PIGS: variants seen among roughly 807,000 people sequenced by gnomAD.
The protein encoded by PIGS is phosphatidylinositol glycan anchor biosynthesis class S, also known as GPI-anchor transamidase component PIGS.
PIGS carries 37 observed loss-of-function variants against 58.2 expected under a neutral mutation model. That is an observed-to-expected ratio of 0.64 (90% CI 0.49 to 0.84). The LOEUF (loss-of-function observed/expected upper bound fraction) is 0.84. Ranked by LOEUF, PIGS falls within the 40% of genes least tolerant of loss-of-function variation. The probability of loss-of-function intolerance (pLI) is 0.00; values close to 1 mark genes in which losing one functional copy is unlikely to be tolerated. For missense variants in PIGS, 629 were observed against 710.8 expected (o/e 0.88, Z 1.31); for synonymous variants, 269 against 289.2 (o/e 0.93, Z 0.71).
Position 28,563,885 on chromosome 17 carries a change from A to C in PIGS, c.309T>G (p.Arg103=), listed in dbSNP as rs772010546. Residue 103 remains arginine (R), a synonymous_variant, in exon 4 of 12, where the codon CGT becomes CGG. Coordinates refer to ENST00000308360, the MANE Select transcript of PIGS (RefSeq NM_033198.4). ...PLKYKMKIKC[R]FQKAYRRALD... ...AAGCCCTCCGATAGGCCTTCTGGAA[A>C]CGGCATTTGATTTTCATTTTGTCTG... 5 of 1,613,948 alleles carry C rather than the reference A, an allele frequency of 3.1e-6. No homozygotes were observed. The East Asian group carries it at 8.9e-5, about 29-fold the overall frequency.
intron 10 of PIGS, chr17:28,555,302 T>C: frequency 4.0e-6 from 2 of 494,646 alleles, no homozygotes; most frequent in Non-Finnish European, 7.1e-6. Flanking sequence ...ATTTCCAAGA[T>C]CTTGTTTTTT....
chr17:28,554,967 GC>G lies in PIGS; in HGVS notation c.1275del (p.Leu426CysfsTer44). ...TTCTCCACTGACCGAGCCCAGAGCA[GC>G]CGGTCTAGCTCCCAGGTCATTAGCC... ...SEGLMTWELD[R>X]LLWARSVENL... On this transcript the variant is annotated frameshift_variant, in exon 11 of 12. Coordinates refer to ENST00000308360, the MANE Select transcript of PIGS (RefSeq NM_033198.4). LOFTEE classifies it high-confidence loss of function. 11 of 1,611,498 alleles carry G rather than the reference GC, an allele frequency of 6.8e-6. No homozygotes were observed. Among genetic ancestry groups the G allele is most frequent in the Non-Finnish European group, 9.3e-6 (11 of 1,178,534 alleles).
chr17:28,564,637 C>T (rs942871421), intron 3 of PIGS, among the ~76,000 whole-genome samples: 14 of 151,928 alleles, frequency 9.2e-5, no homozygotes, highest in African/African-American at 3.4e-4. Context: ...ATCACTTGAA[C>T]CCAGAAGGCG....
chr17:28,568,645 T>G (rs1478254297), intron 3 of PIGS, among the ~76,000 whole-genome samples: 1 of 152,244 alleles, frequency 6.6e-6, no homozygotes, highest in Non-Finnish European at 1.5e-5. Flanking sequence ...GATTCTATAC[T>G]CTTGGTCACC....
intron 7 of PIGS, 21 bp from the exon 8 acceptor site, chr17:28,558,611 G>T: frequency 6.4e-7 from 1 of 1,558,234 alleles, no homozygotes; most frequent in Non-Finnish European, 8.8e-7. Context: ...AACAGGGAGT[G>T]GTTACTTTGT....
At chr17:28,563,036 G>A (rs961466249) in intron 5 of PIGS, among the ~76,000 whole-genome samples, 3 of 152,030 alleles carry the variant, frequency 2.0e-5, no homozygotes, top group African/African-American at 4.8e-5. Flanking sequence ...GGACGGGTGC[G>A]GTGGCTCACG....
rs866900819 is a variant in PIGS, at chr17:28,571,055, G to A, written c.168C>T (p.Ala56=). 1 of 1,614,154 alleles carries A rather than the reference G, an allele frequency of 6.2e-7. No homozygotes were observed. The highest frequency in any genetic ancestry group is 1.1e-5 in the South Asian group (1 of 91,080). The change falls in exon 2 of 12, where the codon GCC becomes GCT. Residue 56 remains alanine (A), a synonymous_variant. Coordinates refer to ENST00000308360, the MANE Select transcript of PIGS (RefSeq NM_033198.4). ...LPYSQISGLN[A]LQLRLMVPVT... is the part of the protein sequence containing the mutation. Reference sequence around the variant, plus strand: ...TCCCGCACAGCAGTCTCACCTGAAGGGCATTCAGGCCACTGATCTGGGAGT... The same window carrying A: ...TCCCGCACAGCAGTCTCACCTGAAGAGCATTCAGGCCACTGATCTGGGAGT...
At chr17:28,555,270 C>A in intron 10 of PIGS, 5 of 532,074 alleles carry the variant, frequency 9.4e-6, no homozygotes, top group Non-Finnish European at 1.6e-5. Context: ...GGTGTTTCTG[C>A]TTTTACCTGT....
At chr17:28,563,317 A>T in intron 5 of PIGS, 114 bp downstream of exon 5, 1 of 928,298 alleles carries the variant, frequency 1.1e-6, no homozygotes, top group Non-Finnish European at 1.7e-6. Context: ...TTTTTTTTGG[A>T]GAGTTTTCTG....
chr17:28,557,731 G>A (rs1480525497), intron 8 of PIGS, among the ~76,000 whole-genome samples: 1 of 152,136 alleles, frequency 6.6e-6, no homozygotes, highest in Non-Finnish European at 1.5e-5. Context: ...ACAGTTCTTA[G>A]TCACACCTCC....
At chr17:28,562,854 C>T (rs779404949) in intron 5 of PIGS, among the ~76,000 whole-genome samples, 2 of 152,070 alleles carry the variant, frequency 1.3e-5, no homozygotes, top group African/African-American at 4.8e-5. Flanking sequence ...CAGGGACTAC[C>T]ACATCCAGCT....
At chr17:28,557,110 G>C in intron 8 of PIGS, 138 bp from the exon 9 acceptor site, 1 of 890,266 alleles carries the variant, frequency 1.1e-6, no homozygotes, top group Non-Finnish European at 1.7e-6. Flanking sequence ...TCCTGTCCAG[G>C]GTGTCTCTAG....
chr17:28,563,398 T>C, intron 5 of PIGS, 33 bp downstream of exon 5: 3 of 1,566,724 alleles, frequency 1.9e-6, no homozygotes, highest in Non-Finnish European at 1.8e-6. Flanking sequence ...GCTGAAGGGA[T>C]AAGGCAAAGT....
intron 6 of PIGS, 67 bp downstream of exon 6, chr17:28,561,355 C>A: frequency 6.9e-7 from 1 of 1,453,184 alleles, no homozygotes. Flanking sequence ...AGTTGGCATG[C>A]AGATTTCCCT....
intron 7 of PIGS, among the ~76,000 whole-genome samples, chr17:28,559,762 T>TAC (rs1266684687): frequency 1.4e-5 from 2 of 142,356 alleles, no homozygotes; most frequent in African/African-American, 2.7e-5. Context: ...AATTGGTGAG[T>TAC]ACAGGTCTAG....
chr17:28,567,962 G>A (rs1379878396), intron 3 of PIGS, among the ~76,000 whole-genome samples: 4 of 152,074 alleles, frequency 2.6e-5, no homozygotes, highest in Non-Finnish European at 4.4e-5. Flanking sequence ...GTATTTACTC[G>A]AATGTCCTCT....
chr17:28,563,766 G>A, intron 4 of PIGS, 52 bp downstream of exon 4: 1 of 1,534,806 alleles, frequency 6.5e-7, no homozygotes, highest in African/African-American at 1.4e-5. Flanking sequence ...TTAGAGATCA[G>A]AAGGAAAAAG....
Position 28,570,922 on chromosome 17 carries a change from C to G in PIGS, c.216G>C (p.Glu72Asp). 1 of 1,614,224 alleles carries G rather than the reference C, an allele frequency of 6.2e-7. No homozygotes were observed. Residue 72 changes from glutamate to aspartate, a missense_variant, in exon 3 of 12, where the codon GAG becomes GAC. Physicochemically the swap from Glu to Asp is conservative, Grantham distance 45. Transcript: ENST00000308360. Reference protein sequence around the residue: ...MVPVTVVFTRESVPLDDQEKL... With the variant: ...MVPVTVVFTRDSVPLDDQEKL... ...TCTCCTGGTCGTCCAGGGGCACTGA[C>G]TCCCGCGTAAACACGACAGTGACAG...
rs1407169608 is a variant in PIGS at position 28,571,484 on chromosome 17, C to G, written c.13G>C (p.Gly5Arg). The change falls in exon 1 of 12, where the codon GGG becomes CGG. Residue 5 changes from glycine (G) to arginine (R), a missense_variant. Transcript: ENST00000308360. MAAA[G>R]AAATHLEVAR... ...GCACCTAGGTGTGTAGCCGCAGCCC[C>G]GGCGGCCGCCATGCTAGCTTCCGGC... 2 of 1,608,108 alleles carry G rather than the reference C, an allele frequency of 1.2e-6. No individual in the cohort carries two copies. The highest frequency in any genetic ancestry group is 2.2e-5 in the East Asian group (1 of 44,620).
Sources: allele counts gnomAD v4.1 joint callset (sites outside exome capture counted in the v4.1 genomes callset), GRCh38; gene constraint gnomAD v4.1.1; transcripts MANE v1.5; gene names NCBI Gene and HGNC (gene_info 2026-07-23, HGNC 2026-07-21).